The following ARHGEF26 variants were observed in gnomAD, a reference collection of about 807,000 sequenced individuals.
ARHGEF26 encodes the protein Rho guanine nucleotide exchange factor (GEF) 26.
A neutral mutation model predicts 89.4 loss-of-function variants in ARHGEF26; 59 were observed. The observed-to-expected ratio is 0.66, with a 90% CI of 0.54 to 0.82. The LOEUF (loss-of-function observed/expected upper bound fraction) is 0.82. Among genes scored for constraint, ARHGEF26 ranks in the 40% least tolerant of loss-of-function variants. The pLI is 0.00. For missense variants in ARHGEF26, 1,234 were observed against 1,085.6 expected (o/e 1.14, Z -1.92); for synonymous variants, 500 against 428.4 (o/e 1.17, Z -2.06).
chr3:154,235,878 C>G (rs1298178578), intron 11 of ARHGEF26, among the ~76,000 whole-genome samples: 1 of 152,170 alleles, frequency 6.6e-6, no homozygotes, highest in African/African-American at 2.4e-5. Flanking sequence ...CTTGTGCTAA[C>G]TACTGCAGAT....
At chr3:154,250,451 A>AGT (rs1718072851) in intron 12 of ARHGEF26, among the ~76,000 whole-genome samples, 1 of 152,138 alleles carries the variant, frequency 6.6e-6, no homozygotes, top group Non-Finnish European at 1.5e-5. Flanking sequence ...AGCAACAAGG[A>AGT]GTGTCTTGTT....
Position 154,256,547 on chromosome 3 carries a change from T to C in ARHGEF26, c.*1074T>C, listed in dbSNP as rs1576840426. On this transcript the variant is annotated 3_prime_UTR_variant, in exon 15 of 15. Coordinates refer to ENST00000465093, the MANE Select transcript of ARHGEF26 (RefSeq NM_015595.4). ...CGTGCCCAGCCTACTTTCTAATTAATTAAAAAAAAAAAAAAAAAAAAAAAA... is the reference window on the plus strand; with the variant it reads ...CGTGCCCAGCCTACTTTCTAATTAACTAAAAAAAAAAAAAAAAAAAAAAAA... 1.5e-6 allele frequency: 1 copy of C among 676,036 alleles called. No individual in the cohort carries two copies. The highest frequency in any genetic ancestry group is 1.7e-6 in the Non-Finnish European group (1 of 599,272). 41.9% of individuals were successfully genotyped at this position (676,036 alleles called of 1,614,324 possible).
At chr3:154,188,250 C>G (rs1002816170) in intron 7 of ARHGEF26, among the ~76,000 whole-genome samples, 1 of 152,156 alleles carries the variant, frequency 6.6e-6, no homozygotes, top group African/African-American at 2.4e-5. Flanking sequence ...TCTGATCTCC[C>G]TCCATTCAAT....
chr3:154,131,617 T>G (rs1417526120), intron 4 of ARHGEF26, among the ~76,000 whole-genome samples: 1 of 152,200 alleles, frequency 6.6e-6, no homozygotes, highest in East Asian at 1.9e-4. Flanking sequence ...ATGGACCATT[T>G]GGTAGAGGAT....
intron 11 of ARHGEF26, among the ~76,000 whole-genome samples, chr3:154,227,578 G>C (rs1223339546): frequency 1.3e-5 from 2 of 152,126 alleles, no homozygotes; most frequent in Non-Finnish European, 2.9e-5. Flanking sequence ...ACTGCGCCCA[G>C]CCGTAAATTT....
At chr3:154,185,306 T>A (rs357465) in intron 6 of ARHGEF26, among the ~76,000 whole-genome samples, 138,435 of 152,120 alleles carry the variant, frequency 0.91, 63,204 homozygotes, top group East Asian at 1. Flanking sequence ...CAGCCCACAA[T>A]ACTGCCCTCA....
chr3:154,175,728 C>T (rs978808371), intron 6 of ARHGEF26, among the ~76,000 whole-genome samples: 5 of 152,132 alleles, frequency 3.3e-5, no homozygotes, highest in African/African-American at 1.2e-4. Context: ...TGTTTTAGTT[C>T]CCCCTTCAAA....
intron 4 of ARHGEF26, among the ~76,000 whole-genome samples, chr3:154,140,899 A>G (rs1719329217): frequency 6.6e-6 from 1 of 151,544 alleles, no homozygotes; most frequent in Non-Finnish European, 1.5e-5. Context: ...CTCATAACTT[A>G]CACTTGAGCA....
intron 6 of ARHGEF26, among the ~76,000 whole-genome samples, chr3:154,163,584 A>G (rs1711800183): frequency 6.6e-6 from 1 of 152,160 alleles, no homozygotes. Context: ...CTGTTGGTGT[A>G]CATCACCCAT....
chr3:154,233,869 G>T (rs954307684), intron 11 of ARHGEF26, among the ~76,000 whole-genome samples: 16 of 152,334 alleles, frequency 1.1e-4, no homozygotes, highest in African/African-American at 3.8e-4. Flanking sequence ...AACATTTGTT[G>T]TGGCACCAGC....
At chr3:154,133,498 T>G (rs1718812234) in intron 4 of ARHGEF26, among the ~76,000 whole-genome samples, 1 of 151,382 alleles carries the variant, frequency 6.6e-6, no homozygotes, top group Non-Finnish European at 1.5e-5. Context: ...TCTGGCAGGT[T>G]TGTAGAAGAT....
intron 11 of ARHGEF26, among the ~76,000 whole-genome samples, chr3:154,230,461 T>C (rs544737935): frequency 1.3e-5 from 2 of 152,294 alleles, no homozygotes; most frequent in East Asian, 3.9e-4. Context: ...TCCTATAAAG[T>C]TATTGGGGGA....
chr3:154,237,345 C>A (rs1276920787), intron 11 of ARHGEF26, among the ~76,000 whole-genome samples: 2 of 152,004 alleles, frequency 1.3e-5, no homozygotes, highest in African/African-American at 4.8e-5. Context: ...AGTTCCAGAC[C>A]AGCATGGCCA....
intron 5 of ARHGEF26, 65 bp from the exon 6 acceptor site, chr3:154,152,707 T>G: frequency 1.7e-6 from 2 of 1,206,996 alleles, no homozygotes; most frequent in Non-Finnish European, 2.2e-6. Context: ...AGCAAAATTA[T>G]GAGAGCTATA....
In ARHGEF26 at chr3:154,147,951, A is replaced by G. The variant is rs1294437752; in HGVS notation, c.1270-1438A>G. Among the ~76,000 whole-genome samples the G allele has an allele frequency of 2.6e-5, 4 of 151,618 alleles. No individual in the cohort carries two copies. The East Asian group carries it at 7.7e-4, about 29-fold the overall frequency. ...ATCATTCTCTCCCCTCTTGGGTTTC[A>G]TCTCTCCACCTTGATCAGTCTCTGA... On this transcript the variant is annotated intron_variant, in intron 4 of 14. Transcript: ENST00000465093.
chr3:154,143,068 G>A (rs12490468), intron 4 of ARHGEF26, among the ~76,000 whole-genome samples: 33,676 of 152,020 alleles, frequency 0.22, 4,942 homozygotes, highest in East Asian at 0.48. Context: ...TGCCCTACTC[G>A]TTTTGTTTCT....
In ARHGEF26 at chr3:154,255,876, A is replaced by G; in HGVS notation, c.*403A>G. The G allele has an allele frequency of 1.0e-6, 1 of 996,498 alleles. No homozygotes were observed. The highest frequency in any genetic ancestry group is 1.2e-6 in the Non-Finnish European group (1 of 837,374). 61.7% of individuals were successfully genotyped at this position (996,498 alleles called of 1,614,324 possible). On this transcript the variant is annotated 3_prime_UTR_variant, in exon 15 of 15. Coordinates refer to ENST00000465093, the MANE Select transcript of ARHGEF26 (RefSeq NM_015595.4). ...CTTGTATGGTTCTCCCAGTATTAGC[A>G]AGATTGTATATCTGTAAAGAATGTC...
intron 6 of ARHGEF26, among the ~76,000 whole-genome samples, chr3:154,175,077 A>G (rs1467198436): frequency 6.6e-6 from 1 of 152,220 alleles, no homozygotes; most frequent in Non-Finnish European, 1.5e-5. Flanking sequence ...TTTTTAAAAA[A>G]TTGAATTTAC....
rs568926370 is a variant in ARHGEF26 at position 154,187,220 on chromosome 3, A to C, written c.1488-465A>C. 82 of 984,396 alleles carry C rather than the reference A, an allele frequency of 8.3e-5. No homozygotes were observed. In the African/African-American group the frequency reaches 1.2e-3, roughly 14 times the overall value. 61.0% of individuals were successfully genotyped at this position (984,396 alleles called of 1,614,324 possible). A position where few individuals can be genotyped will look rare whatever the true frequency, so the allele number is the denominator to read the frequency against. ...AGACTTATTTTTTAAGCATTTATTT[A>C]GGTGTTTTGCTCATGTATTTTTCCA... is the stretch of plus-strand genomic sequence containing the variant. On this transcript the variant is annotated intron_variant, in intron 6 of 14. Transcript: ENST00000465093.
Sources: gnomAD v4.1 joint callset for allele counts (sites outside exome capture counted in the v4.1 genomes callset) on GRCh38, gnomAD v4.1.1 for gene constraint, MANE v1.5 for transcripts, NCBI Gene and HGNC (gene_info 2026-07-23, HGNC 2026-07-21) for gene names.